Variants in RANBP17 observed in about 807,000 individuals in gnomAD.
RANBP17 encodes RAN binding protein 17, also known as ran-binding protein 17.
Under a neutral mutation model 141.2 loss-of-function variants are expected in RANBP17, and 158 were observed. The ratio of observed to expected loss-of-function variants is 1.12; its 90% CI spans 0.98 to 1.28. The LOEUF is 1.28. Among genes scored for constraint, RANBP17 ranks in the 50% most tolerant of loss-of-function variants. The pLI is 0.00. For synonymous variants in RANBP17, 430 were observed against 450.0 expected (o/e 0.96, Z 0.56); for missense variants, 1,438 against 1,290.7 (o/e 1.11, Z -1.75).
intron 25 of RANBP17, among the ~76,000 whole-genome samples, chr5:171,277,261 A>C (rs1767547026): frequency 6.6e-6 from 1 of 152,088 alleles, no homozygotes; most frequent in South Asian, 2.1e-4. Flanking sequence ...ATGACATAAG[A>C]AAATGACACC....
intron 13 of RANBP17, among the ~76,000 whole-genome samples, chr5:170,966,426 G>A (rs1247479382): frequency 6.6e-6 from 1 of 152,070 alleles, no homozygotes; most frequent in African/African-American, 2.4e-5. Flanking sequence ...CATATAAACA[G>A]AACCAAAGAC....
intron 18 of RANBP17, among the ~76,000 whole-genome samples, chr5:171,191,352 C>T (rs1017849235): frequency 6.8e-6 from 1 of 147,732 alleles, no homozygotes; most frequent in South Asian, 2.1e-4. Flanking sequence ...ATCCGCCTGC[C>T]CACATTAAAT....
intron 13 of RANBP17, 77 bp from the exon 14 acceptor site, chr5:170,968,165 A>G: frequency 9.6e-7 from 1 of 1,041,330 alleles, no homozygotes; most frequent in East Asian, 2.5e-5. Context: ...GTTATATTAC[A>G]TTTATGGTAA....
intron 3 of RANBP17, 152 bp from the exon 4 acceptor site, chr5:170,892,235 C>T: frequency 1.7e-6 from 1 of 585,420 alleles, no homozygotes. Context: ...TACCTATCAA[C>T]CCGTCATCTA....
At chr5:171,007,690 G>A (rs925183891) in intron 14 of RANBP17, among the ~76,000 whole-genome samples, 2 of 152,112 alleles carry the variant, frequency 1.3e-5, no homozygotes, top group African/African-American at 2.4e-5. Flanking sequence ...TCTAGGTCTC[G>A]TAGGATGGAG....
chr5:171,247,813 T>C (rs1237479802), intron 24 of RANBP17, among the ~76,000 whole-genome samples: 3 of 152,164 alleles, frequency 2.0e-5, no homozygotes, highest in Admixed American at 6.5e-5. Context: ...CAGATAAGAT[T>C]CCTGCCCACA....
At chr5:171,264,405 C>A (rs1766532905) in intron 24 of RANBP17, among the ~76,000 whole-genome samples, 1 of 151,982 alleles carries the variant, frequency 6.6e-6, no homozygotes, top group Non-Finnish European at 1.5e-5. Context: ...AAAAAAAATA[C>A]AATAAAATTT....
Position 170,909,712 on chromosome 5 carries a change from C to T in RANBP17, c.541C>T (p.Arg181Cys), listed in dbSNP as rs763192522. The T allele has an allele frequency of 6.9e-6, 11 of 1,596,352 alleles. No individual in the cohort carries two copies. The highest frequency in any genetic ancestry group is 4.4e-5 in the South Asian group (4 of 90,036). Residue 181 changes from arginine to cysteine, a missense_variant, in exon 6 of 28, where the codon CGT becomes TGT. Transcript: ENST00000523189. ...ACACAGGAAAATAGCTACCTCATTT[C>T]GTGATACTTCTCTCAAAGACGTTTT... The part of the protein sequence containing the change: ...AKHRKIATSF[R>C]DTSLKDVLVL...
chr5:171,077,140 C>A (rs1298470677), intron 14 of RANBP17, among the ~76,000 whole-genome samples: 1 of 152,036 alleles, frequency 6.6e-6, no homozygotes, highest in African/African-American at 2.4e-5. Context: ...AAGATAGAGA[C>A]CATCCTGGCA....
chr5:170,996,464 G>C (rs1444707246), intron 14 of RANBP17, among the ~76,000 whole-genome samples: 3 of 152,132 alleles, frequency 2.0e-5, no homozygotes, highest in Admixed American at 6.6e-5. Context: ...TATCCGTACT[G>C]TGTAAAATAG....
At chr5:171,077,950 A>G (rs1785037133) in intron 14 of RANBP17, among the ~76,000 whole-genome samples, 2 of 152,142 alleles carry the variant, frequency 1.3e-5, no homozygotes, top group Non-Finnish European at 2.9e-5. Flanking sequence ...TACAGAAGAA[A>G]AGTTGGAAGC....
chr5:171,127,556 A>G (rs995809761), intron 14 of RANBP17, among the ~76,000 whole-genome samples: 3 of 152,248 alleles, frequency 2.0e-5, no homozygotes, highest in Non-Finnish European at 4.4e-5. Context: ...GGATTTGAAT[A>G]GACATTTCTC....
intron 14 of RANBP17, among the ~76,000 whole-genome samples, chr5:171,165,705 A>T (rs559552293): frequency 1.3e-5 from 2 of 152,306 alleles, no homozygotes; most frequent in African/African-American, 2.4e-5. Flanking sequence ...CCAGGAGTAC[A>T]TGCTGAAAAT....
Position 171,265,844 on chromosome 5 carries a change from G to A in RANBP17, c.2940G>A (p.Gln980=). ...TGCAGCAAAACCCAGATGTCCTGCA[G>A]CAGGTAACTGGTGGTTGATCACCTG... ...HFMQQNPDVL[Q]QMMSVLMNTI... is the part of the protein sequence containing the mutation. Residue 980 remains glutamine (Q), a synonymous_variant, in exon 25 of 28, where the codon CAG becomes CAA. Transcript: ENST00000523189. 1 of 1,612,430 alleles carries A rather than the reference G, an allele frequency of 6.2e-7. No homozygotes were observed. The highest frequency in any genetic ancestry group is 2.2e-5 in the East Asian group (1 of 44,870).
Position 170,895,582 on chromosome 5 carries a change from A to G in RANBP17, c.424-468A>G, listed in dbSNP as rs143489941. Among the ~76,000 whole-genome samples, 12 of 152,332 alleles carry G rather than the reference A, an allele frequency of 7.9e-5. No individual in the cohort carries two copies. In the East Asian group the frequency reaches 2.1e-3, roughly 27 times the overall value. ...CTAAGTGATCCTATCTGATATTAGA[A>G]CAAGAGATTTGAATTAGTGCCTAAG... On this transcript the variant is annotated intron_variant, in intron 4 of 27. Coordinates refer to ENST00000523189, the MANE Select transcript of RANBP17 (RefSeq NM_022897.5).
chr5:170,906,616 A>G (rs1417172444), intron 5 of RANBP17, among the ~76,000 whole-genome samples: 1 of 151,954 alleles, frequency 6.6e-6, no homozygotes, highest in African/African-American at 2.4e-5. Context: ...AGTCTCTGAA[A>G]ATATCTTGTT....
rs777681042 is a variant in RANBP17 at position 170,919,535 on chromosome 5, A to G, written c.1196A>G (p.His399Arg). Residue 399 changes from histidine (H) to arginine (R), a missense_variant, in exon 11 of 28, where the codon CAC becomes CGC. By Grantham distance (29) the His-to-Arg change is conservative (BLOSUM62 0). Coordinates refer to ENST00000523189, the MANE Select transcript of RANBP17 (RefSeq NM_022897.5). ...SVPFVKSTEPHLLDTYAPEIT... is the reference protein window; with the variant it reads ...SVPFVKSTEPRLLDTYAPEIT... ...CCTTTTGTGAAATCAACTGAACCCCACCTATTAGACACTTATGCACCAGAA... is the reference window on the plus strand; with the variant it reads ...CCTTTTGTGAAATCAACTGAACCCCGCCTATTAGACACTTATGCACCAGAA... 8 of 1,611,162 alleles carry G rather than the reference A, an allele frequency of 5.0e-6. No homozygotes were observed. In the South Asian group the frequency reaches 5.5e-5, roughly 11 times the overall value.
intron 25 of RANBP17, among the ~76,000 whole-genome samples, chr5:171,289,570 T>C (rs1768362596): frequency 6.6e-6 from 1 of 152,032 alleles, no homozygotes; most frequent in Non-Finnish European, 1.5e-5. Flanking sequence ...AGATCTGGTC[T>C]CTACAAAAAA....
intron 14 of RANBP17, chr5:170,982,935 C>G (rs983664909): frequency 3.3e-6 from 1 of 300,660 alleles, no homozygotes; most frequent in African/African-American, 2.3e-5. Flanking sequence ...CATTGTCTTG[C>G]CAATTTTGAG....
Sources: gnomAD v4.1 joint callset for allele counts (sites outside exome capture counted in the v4.1 genomes callset) on GRCh38, gnomAD v4.1.1 for gene constraint, MANE v1.5 for transcripts, NCBI Gene and HGNC (gene_info 2026-07-23, HGNC 2026-07-21) for gene names.